The following DRC7 variants were observed in gnomAD, a reference collection of about 807,000 sequenced individuals.
The protein encoded by DRC7 is dynein regulatory complex subunit 7.
DRC7 carries 80 observed loss-of-function variants against 104.4 expected under a neutral mutation model. The ratio of observed to expected loss-of-function variants is 0.77; its 90% CI spans 0.64 to 0.92. The LOEUF is 0.92. Ranked by LOEUF, DRC7 falls within the 40% of genes least tolerant of loss-of-function variation. The pLI is 0.00. For missense variants in DRC7, 1,034 were observed against 1,141.1 expected (o/e 0.91, Z 1.35); for synonymous variants, 405 against 447.3 (o/e 0.91, Z 1.19).
chr16:57,713,446 G>A (rs748659837), intron 8 of DRC7, among the ~76,000 whole-genome samples: 3 of 152,078 alleles, frequency 2.0e-5, no homozygotes, highest in Non-Finnish European at 4.4e-5. Context: ...AGATTGTTAT[G>A]TCCTCATGAT....
intron 6 of DRC7, among the ~76,000 whole-genome samples, chr16:57,703,187 C>A (rs866510344): frequency 6.8e-6 from 1 of 147,060 alleles, no homozygotes; most frequent in Non-Finnish European, 1.5e-5. Context: ...CCCTCAAGGC[C>A]CCTTTTTAAT....
chr16:57,695,866 G>A (rs556472043), intron 1 of DRC7, among the ~76,000 whole-genome samples: 105 of 152,348 alleles, frequency 6.9e-4, no homozygotes, highest in African/African-American at 2.3e-3. Context: ...AGGCTCAGTC[G>A]TGGCTGGTGG....
At chr16:57,706,949 C>T (rs1269165622) in intron 7 of DRC7, among the ~76,000 whole-genome samples, 2 of 151,996 alleles carry the variant, frequency 1.3e-5, no homozygotes, top group East Asian at 3.9e-4. Flanking sequence ...TCCTCCTACC[C>T]ATCTCCCATC....
At chr16:57,724,884 C>G (rs2048946470) in intron 13 of DRC7, 49 bp downstream of exon 13, 1 of 1,432,710 alleles carries the variant, frequency 7.0e-7, no homozygotes. Context: ...TCTCTGGCAG[C>G]TGATGTCACC....
intron 5 of DRC7, among the ~76,000 whole-genome samples, chr16:57,700,789 T>G (rs551350320): frequency 6.6e-6 from 1 of 152,158 alleles, no homozygotes; most frequent in South Asian, 2.1e-4. Flanking sequence ...AAGCAGTTTA[T>G]CCCCTAGTGC....
At position 57,701,920 on chromosome 16, in the gene DRC7, G is replaced by A. The variant is rs778233973; in HGVS notation, c.505-16G>A. On this transcript the variant is annotated splice_polypyrimidine_tract_variant and intron_variant, in intron 5 of 18. Coordinates refer to ENST00000360716, the MANE Select transcript of DRC7 (RefSeq NM_001289162.2). ...CAGCGGGGCCCCAGCTGTGCTGACC[G>A]TCCCACTGTGACCAGCCCTCGCACC... The A allele has an allele frequency of 3.1e-5, 50 of 1,610,188 alleles. No individual in the cohort carries two copies. Among genetic ancestry groups the A allele is most frequent in the Middle Eastern group, 1.6e-4 (1 of 6,066 alleles).
chr16:57,725,675 G>A (rs1320827712), intron 13 of DRC7: 3 of 199,340 alleles, frequency 1.5e-5, no homozygotes, highest in African/African-American at 6.9e-5. Context: ...CACTTAACAT[G>A]AAATTGTGCA....
intron 4 of DRC7, 104 bp from the exon 5 acceptor site, chr16:57,700,041 G>T: frequency 3.7e-6 from 5 of 1,363,676 alleles, no homozygotes; most frequent in Non-Finnish European, 5.0e-6. Context: ...TCCTGCATTT[G>T]CTCAGGCCTC....
At chr16:57,729,298 GTGAGTGGGTGGATGGATGGA>G (rs1325165926) in intron 17 of DRC7, among the ~76,000 whole-genome samples, 15 of 144,390 alleles carry the variant, frequency 1.0e-4, no homozygotes, top group South Asian at 2.3e-4. Flanking sequence ...GAATGGATGA[GTGAGTGGGTGGATGGATGGA>G]TGAGTGGGTG....
chr16:57,713,113 G>A (rs750545393), intron 8 of DRC7, among the ~76,000 whole-genome samples: 2 of 152,164 alleles, frequency 1.3e-5, no homozygotes, highest in African/African-American at 2.4e-5. Context: ...ACTTGCTATA[G>A]TTTGTTTTAT....
Position 57,731,536 on chromosome 16 carries a change from C to T in DRC7, c.*278C>T, listed in dbSNP as rs942277506. 1.0e-5 allele frequency: 5 copies of T among 482,846 alleles called. No homozygotes were observed. Among genetic ancestry groups the T allele is most frequent in the Non-Finnish European group, 1.5e-5 (4 of 268,082 alleles). The allele number at this position is 482,846 out of a possible 1,614,324, so 29.9% of individuals were successfully genotyped here. ...TATAGCCTGGGACCACCCCCTTCCTCCCCTTGGCCTGTCGTTTGCTTCCTG... is the reference window on the plus strand; with the variant it reads ...TATAGCCTGGGACCACCCCCTTCCTTCCCTTGGCCTGTCGTTTGCTTCCTG... On this transcript the variant is annotated 3_prime_UTR_variant, in exon 19 of 19. Transcript: ENST00000360716.
intron 17 of DRC7, among the ~76,000 whole-genome samples, chr16:57,729,729 G>A (rs2049030296): frequency 7.7e-6 from 1 of 129,794 alleles, no homozygotes; most frequent in Non-Finnish European, 1.6e-5. Flanking sequence ...TGGGTGAGTG[G>A]GTGGGTGGAT....
intron 8 of DRC7, among the ~76,000 whole-genome samples, chr16:57,711,763 G>T (rs2048793349): frequency 6.6e-6 from 1 of 152,204 alleles, no homozygotes; most frequent in Non-Finnish European, 1.5e-5. Flanking sequence ...CAACTTGGTG[G>T]GTTGGGGGAT....
At position 57,731,157 on chromosome 16, in the gene DRC7, G is replaced by C. The variant is rs544966223; in HGVS notation, c.2532-8G>C. ...CCTCACCCTCTTTCCTTGCCTCTCT[G>C]ACTTCAGACACAAGGAACTGGCCCC... On this transcript the variant is annotated splice_polypyrimidine_tract_variant and splice_region_variant and intron_variant, in intron 18 of 18. Transcript: ENST00000360716. 6.2e-7 allele frequency: 1 copy of C among 1,613,806 alleles called. No homozygotes were observed. Among genetic ancestry groups the C allele is most frequent in the Admixed American group, 1.7e-5 (1 of 60,018 alleles).
intron 10 of DRC7, among the ~76,000 whole-genome samples, chr16:57,722,341 C>T (rs2048912595): frequency 6.6e-6 from 1 of 152,122 alleles, no homozygotes. Context: ...GGCTAGGGGT[C>T]ACCTGGGTGA....
At chr16:57,701,098 C>T (rs1010064896) in intron 5 of DRC7, among the ~76,000 whole-genome samples, 1 of 151,992 alleles carries the variant, frequency 6.6e-6, no homozygotes, top group Non-Finnish European at 1.5e-5. Flanking sequence ...GCAACTAAGG[C>T]GGTAGGTAAG....
chr16:57,705,418 C>A (rs2048702139), intron 7 of DRC7, among the ~76,000 whole-genome samples: 1 of 149,928 alleles, frequency 6.7e-6, no homozygotes. Flanking sequence ...CCAATCCATC[C>A]ATCCATCCAT....
Position 57,707,623 on chromosome 16 carries a change from T to C in DRC7, c.1022T>C (p.Leu341Pro), listed in dbSNP as rs868780688. 3 of 1,613,542 alleles carry C rather than the reference T, an allele frequency of 1.9e-6. No homozygotes were observed. The Middle Eastern group carries it at 4.9e-4, about 266-fold the overall frequency. ...QDEHFLGIES[L>P]WNHKNYWINM... Reference sequence around the variant, plus strand: ...GAGCACTTCCTGGGCATCGAAAGCCTGTGGAACCACAAGAACTACTGGATC... The same window carrying C: ...GAGCACTTCCTGGGCATCGAAAGCCCGTGGAACCACAAGAACTACTGGATC... The change falls in exon 8 of 19, where the codon CTG becomes CCG. Residue 341 changes from leucine (L) to proline (P), a missense_variant. Coordinates refer to ENST00000360716, the MANE Select transcript of DRC7 (RefSeq NM_001289162.2).
Position 57,724,852 on chromosome 16 carries a change from G to A in DRC7, c.1758+17G>A, listed in dbSNP as rs376814525. The A allele has an allele frequency of 1.9e-6, 3 of 1,597,330 alleles. No individual in the cohort carries two copies. The highest frequency in any genetic ancestry group is 2.3e-5 in the East Asian group (1 of 44,116). ...CCCATTGTGGTAAGAGCTCGCGGGG[G>A]CTGGGGACAGGTCGCCCTCCTTCTC... On this transcript the variant is annotated intron_variant, in intron 13 of 18. Transcript: ENST00000360716.
Sources: allele counts gnomAD v4.1 joint callset (sites outside exome capture counted in the v4.1 genomes callset), GRCh38; gene constraint gnomAD v4.1.1; transcripts MANE v1.5; gene names NCBI Gene and HGNC (gene_info 2026-07-23, HGNC 2026-07-21).